CITED2: variants seen among roughly 807,000 people sequenced by gnomAD.
The protein encoded by CITED2 is Cbp/p300 interacting transactivator with ED-rich tail 2, also known as cbp/p300-interacting transactivator 2.
Under a neutral mutation model 11.8 loss-of-function variants are expected in CITED2, and 2 were observed. The observed-to-expected ratio is 0.17, with a 90% CI of 0.07 to 0.54. The LOEUF (loss-of-function observed/expected upper bound fraction) is 0.54, where lower values mean the gene tolerates loss of function less well. Ranked by LOEUF, CITED2 falls within the 20% of genes least tolerant of loss-of-function variation. CITED2 has a pLI of 0.94. For synonymous variants in CITED2, 210 were observed against 153.0 expected (o/e 1.37, Z -2.75); for missense variants, 437 against 390.2 (o/e 1.12, Z -1.01).
chr6:139,373,926 CCAT>C lies in CITED2; in HGVS notation c.16_18del (p.Met6del), dbSNP rs1212601232. 2 of 1,599,020 alleles carry C rather than the reference CCAT, an allele frequency of 1.3e-6. No homozygotes were observed. The highest frequency in any genetic ancestry group is 3.3e-5 in the Admixed American group (2 of 59,972). ...TCGGGGAAGCGCCCGTGGTTCATGG[CCAT>C]CATATGGTCTGCCATTTCCAGTCCT... On this transcript the variant is annotated inframe_deletion, in exon 2 of 2. Transcript: ENST00000367651.
At position 139,371,873 on chromosome 6, in the gene CITED2, T is replaced by A. The variant is rs571634281; in HGVS notation, c.*1259A>T. The A allele has an allele frequency of 1.3e-5, 2 of 152,342 alleles. No homozygotes were observed. The highest frequency in any genetic ancestry group is 4.8e-5 in the African/African-American group (2 of 41,588). 9.4% of individuals were successfully genotyped at this position (152,342 alleles called of 1,614,324 possible). A position where few individuals can be genotyped will look rare whatever the true frequency, so the allele number is the denominator to read the frequency against. On this transcript the variant is annotated 3_prime_UTR_variant, in exon 2 of 2. Coordinates refer to ENST00000367651, the MANE Select transcript of CITED2 (RefSeq NM_006079.5). The stretch of plus-strand genomic sequence containing the variant: ...GTGTATTATTCCAATCTACCTCTAT[T>A]TAAGTAGTTGAATCAGGTATAAACA...
In CITED2 at chr6:139,373,617, G is replaced by C; in HGVS notation, c.328C>G (p.Leu110Val). ...TTCTGCAGCTGCATGCTGGCCGGCA[G>C]GGAGCCTCCCTGGCTGGCCACCGGG... Reference protein sequence around the residue: ...GPPVASQGGSLPASMQLQKLN... With the variant: ...GPPVASQGGSVPASMQLQKLN... Residue 110 changes from leucine (L) to valine (V), a missense_variant, in exon 2 of 2, where the codon CTG becomes GTG. Physicochemically the swap from Leu to Val is conservative, Grantham distance 32 (BLOSUM62 1). This residue lies in a region of CITED2 where 396 missense variants were observed against 325.2 expected (regional missense o/e 1.22). Transcript: ENST00000367651. 1.2e-6 allele frequency: 2 copies of C among 1,614,064 alleles called. No homozygotes were observed. Among genetic ancestry groups the C allele is most frequent in the Non-Finnish European group, 1.7e-6 (2 of 1,179,960 alleles).
rs1131431 is a variant in CITED2 at position 139,372,697 on chromosome 6, G to A, written c.*435C>T. ...GTTTGTGCAGTAATATCTGCCCTTC[G>A]AAGTTCATGCAACCAACTAATGCAA... On this transcript the variant is annotated 3_prime_UTR_variant, in exon 2 of 2. Transcript: ENST00000367651. 50,473 of 223,256 alleles carry A rather than the reference G, an allele frequency of 0.23. 8,213 individuals are homozygous for A. The highest frequency in any genetic ancestry group is 0.5 in the African/African-American group (22,113 of 43,916). The allele number at this position is 223,256 out of a possible 1,614,324, so 13.8% of individuals were successfully genotyped here. A position where few individuals can be genotyped will look rare whatever the true frequency, so the allele number is the denominator to read the frequency against.
chr6:139,374,241 T>C (rs1465992243), intron 1 of CITED2, 172 bp downstream of exon 1: 9 of 1,395,256 alleles, frequency 6.5e-6, no homozygotes, highest in African/African-American at 2.9e-5. Context: ...ATAAAGGAAG[T>C]GCCCCGTAGC....
In CITED2 at chr6:139,373,100, G is replaced by A. The variant is rs777898916; in HGVS notation, c.*32C>T. The A allele has an allele frequency of 3.1e-6, 5 of 1,587,482 alleles. No homozygotes were observed. Among genetic ancestry groups the A allele is most frequent in the Non-Finnish European group, 4.3e-6 (5 of 1,155,978 alleles). On this transcript the variant is annotated 3_prime_UTR_variant, in exon 2 of 2. Coordinates refer to ENST00000367651, the MANE Select transcript of CITED2 (RefSeq NM_006079.5). ...TTAATTCACGCCGAAGAAGTTGGGG[G>A]TTTGATTTCTTTCGCCGGGGTTTCG...
chr6:139,373,359 T>TGCCGCC lies in CITED2; in HGVS notation c.580_585dup (p.Gly194_Gly195dup), dbSNP rs752543125. The TGCCGCC allele has an allele frequency of 3.1e-6, 5 of 1,591,122 alleles. No homozygotes were observed. The highest frequency in any genetic ancestry group is 1.4e-5 in the African/African-American group (1 of 73,162). ...GAGGCGGGCATGTTGCCGCTGCCGC[T>TGCCGCC]GCCGCCGCCGCTGTTGCTGCTGCCC... On this transcript the variant is annotated inframe_insertion, in exon 2 of 2. Coordinates refer to ENST00000367651, the MANE Select transcript of CITED2 (RefSeq NM_006079.5).
intron 1 of CITED2, chr6:139,374,177 C>G: frequency 6.9e-7 from 1 of 1,444,892 alleles, no homozygotes; most frequent in Non-Finnish European, 9.1e-7. Context: ...CCTTCCCCTG[C>G]GATCGGGCGG....
chr6:139,372,790 T>C lies in CITED2; in HGVS notation c.*342A>G. The C allele has an allele frequency of 3.1e-6, 1 of 326,230 alleles. No homozygotes were observed. Among genetic ancestry groups the C allele is most frequent in the Non-Finnish European group, 5.9e-6 (1 of 168,486 alleles). The allele number at this position is 326,230 out of a possible 1,614,324, so 20.2% of individuals were successfully genotyped here. On this transcript the variant is annotated 3_prime_UTR_variant, in exon 2 of 2. Transcript: ENST00000367651. The stretch of plus-strand genomic sequence containing the variant: ...GAAACCATCTACAAAATCCACAAGA[T>C]TAAGCAGTTTGCCAAGATTAATATC...
rs373695259 is a variant in CITED2, at chr6:139,373,084, G to C, written c.*48C>G. ...TAAGGGAATGTTTCTTTTAATTCACGCCGAAGAAGTTGGGGGTTTGATTTC... is the reference window on the plus strand; with the variant it reads ...TAAGGGAATGTTTCTTTTAATTCACCCCGAAGAAGTTGGGGGTTTGATTTC... On this transcript the variant is annotated 3_prime_UTR_variant, in exon 2 of 2. Coordinates refer to ENST00000367651, the MANE Select transcript of CITED2 (RefSeq NM_006079.5). 1.3e-6 allele frequency: 2 copies of C among 1,534,616 alleles called. No individual in the cohort carries two copies. Among genetic ancestry groups the C allele is most frequent in the Admixed American group, 3.3e-5 (2 of 59,926 alleles).
At chr6:139,374,082 G>T (rs959128555) in intron 1 of CITED2, 130 bp from the exon 2 acceptor site, 110 of 1,522,294 alleles carry the variant, frequency 7.2e-5, no homozygotes, top group Non-Finnish European at 9.5e-5. Context: ...CCACCCCCAA[G>T]ATCCCACTAA....
At chr6:139,374,233 A>T in intron 1 of CITED2, 180 bp downstream of exon 1, 1 of 1,413,338 alleles carries the variant, frequency 7.1e-7, no homozygotes, top group Non-Finnish European at 9.3e-7. Flanking sequence ...GTGGCCTAAT[A>T]AAGGAAGTGC....
At position 139,373,936 on chromosome 6, in the gene CITED2, G is replaced by C. The variant is rs148956290; in HGVS notation, c.9C>G (p.Asp3Glu). 4 of 1,598,670 alleles carry C rather than the reference G, an allele frequency of 2.5e-6. No individual in the cohort carries two copies. The highest frequency in any genetic ancestry group is 3.4e-6 in the Non-Finnish European group (4 of 1,179,824). ...GCCCGTGGTTCATGGCCATCATATG[G>C]TCTGCCATTTCCAGTCCTGGAAGTG... is the stretch of plus-strand genomic sequence containing the variant. MA[D>E]HMMAMNHGRF... Residue 3 changes from aspartate (D) to glutamate (E), a missense_variant, in exon 2 of 2, where the codon GAC becomes GAG. Transcript: ENST00000367651.
rs1246978286 is a variant in CITED2 at position 139,373,402 on chromosome 6, G to A, written c.543C>T (p.Ser181=). Residue 181 remains serine, a synonymous_variant, in exon 2 of 2, where the codon AGC becomes AGT. Coordinates refer to ENST00000367651, the MANE Select transcript of CITED2 (RefSeq NM_006079.5). ...TGCTGCCCGCGCCGCCGCCCGAGCT[G>A]CTGCCAGAGCCGCCGGGGGTGCTGC... ...GGSSTPGGSG[S]SSGGGAGSSN... 1 of 1,547,600 alleles carries A rather than the reference G, an allele frequency of 6.5e-7. No individual in the cohort carries two copies. The highest frequency in any genetic ancestry group is 8.7e-7 in the Non-Finnish European group (1 of 1,152,826).
In CITED2 at chr6:139,373,350, C is replaced by T. The variant is rs1554233653; in HGVS notation, c.595G>A (p.Gly199Ser). The change falls in exon 2 of 2, where the codon GGC becomes AGC. Residue 199 changes from glycine to serine, a missense_variant. Physicochemically the swap from Gly to Ser is moderately conservative, Grantham distance 56. This residue lies in a region of CITED2 where 396 missense variants were observed against 325.2 expected (regional missense o/e 1.22). Transcript: ENST00000367651. ...SSNSGGGSGS[G>S]NMPASVAHVP... ...TGGGCCACGGAGGCGGGCATGTTGC[C>T]GCTGCCGCTGCCGCCGCCGCTGTTG... 1 of 1,591,136 alleles carries T rather than the reference C, an allele frequency of 6.3e-7. No individual in the cohort carries two copies. Among genetic ancestry groups the T allele is most frequent in the Non-Finnish European group, 8.5e-7 (1 of 1,170,708 alleles).
chr6:139,374,232 TAAAG>T (rs1289144473), intron 1 of CITED2, 177 bp downstream of exon 1: 38 of 1,415,764 alleles, frequency 2.7e-5, no homozygotes, highest in Non-Finnish European at 3.2e-5. Context: ...AGTGGCCTAA[TAAAG>T]GAAGTGCCCC....
In CITED2 at chr6:139,372,101, T is replaced by A. The variant is rs1047830736; in HGVS notation, c.*1031A>T. 1.3e-5 allele frequency: 2 copies of A among 152,116 alleles called. No homozygotes were observed. The highest frequency in any genetic ancestry group is 4.8e-5 in the African/African-American group (2 of 41,432). 9.4% of individuals were successfully genotyped at this position (152,116 alleles called of 1,614,324 possible). ...GAAGCATTATGCCAATTATGTTAAA[T>A]CCTGCTCTCCGCTTAAGCTCATCAT... On this transcript the variant is annotated 3_prime_UTR_variant, in exon 2 of 2. Coordinates refer to ENST00000367651, the MANE Select transcript of CITED2 (RefSeq NM_006079.5).
rs200185922 is a variant in CITED2 at position 139,373,918 on chromosome 6, G to A, written c.27C>T (p.Asn9=). ...TGGTGCCGTCGGGGAAGCGCCCGTG[G>A]TTCATGGCCATCATATGGTCTGCCA... MADHMMAM[N]HGRFPDGTNG... Residue 9 remains asparagine (N), a synonymous_variant, in exon 2 of 2, where the codon AAC becomes AAT. Transcript: ENST00000367651. The A allele has an allele frequency of 6.1e-5, 97 of 1,599,558 alleles. No homozygotes were observed. Among genetic ancestry groups the A allele is most frequent in the Admixed American group, 1.8e-4 (11 of 60,004 alleles).
At chr6:139,374,101 G>C in intron 1 of CITED2, 149 bp from the exon 2 acceptor site, 1 of 1,507,030 alleles carries the variant, frequency 6.6e-7, no homozygotes, top group Non-Finnish European at 8.9e-7. Context: ...AACAGCCTGT[G>C]CACCCGGGCT....
rs1216166897 is a variant in CITED2 at position 139,373,074 on chromosome 6, T to A, written c.*58A>T. On this transcript the variant is annotated 3_prime_UTR_variant, in exon 2 of 2. Transcript: ENST00000367651. ...ATACTGTGTCTAAGGGAATGTTTCT[T>A]TTAATTCACGCCGAAGAAGTTGGGG... The A allele has an allele frequency of 6.6e-7, 1 of 1,506,654 alleles. No individual in the cohort carries two copies. The highest frequency in any genetic ancestry group is 9.2e-7 in the Non-Finnish European group (1 of 1,083,052). The allele number at this position is 1,506,654 out of a possible 1,614,324, so 93.3% of individuals were successfully genotyped here.
Sources: allele counts gnomAD v4.1 joint callset, GRCh38; gene constraint gnomAD v4.1.1; regional missense constraint gnomAD v4.1.1; transcripts MANE v1.5; gene names NCBI Gene and HGNC (gene_info 2026-07-23, HGNC 2026-07-21).